The following CNR1 variants were observed in gnomAD, a reference collection of about 807,000 sequenced individuals.
CNR1 encodes cannabinoid receptor 1 (brain).
CNR1 carries 10 observed loss-of-function variants against 23.0 expected under a neutral mutation model. That is an observed-to-expected ratio of 0.43 (90% CI 0.27 to 0.74). CNR1 has a LOEUF of 0.74. Among genes scored for constraint, CNR1 ranks in the 30% least tolerant of loss-of-function variants. CNR1 has a pLI of 0.19. For synonymous variants in CNR1, 271 were observed against 255.2 expected (o/e 1.06, Z -0.59); for missense variants, 422 against 618.8 (o/e 0.68, Z 3.37).
In CNR1 at chr6:88,144,778, C is replaced by T; in HGVS notation, c.497G>A (p.Gly166Glu). 1 of 1,614,140 alleles carries T rather than the reference C, an allele frequency of 6.2e-7. No homozygotes were observed. The highest frequency in any genetic ancestry group is 8.5e-7 in the Non-Finnish European group (1 of 1,180,022). Residue 166 changes from glycine (G) to glutamate (E), a missense_variant, in exon 2 of 2, where the codon GGG (glycine) becomes GAG (glutamate). Gly to Glu is a moderately conservative substitution (Grantham distance 98, BLOSUM62 -2). This residue lies in a region of CNR1 where 211 missense variants were observed against 357.3 expected (regional missense o/e 0.59). Transcript: ENST00000369501. This position sits in a 1 kb window ranked among gnomAD's most constrained non-coding sequence, Gnocchi z 7.8. ...IGSLAVADLL[G>E]SVIFVYSFID... ...GAAGCTGTAGACAAAAATGACACTC[C>T]CCAGGAGGTCTGCCACCGCCAGGCT...
chr6:88,166,949 C>T (rs1463506493), upstream of CNR1, among the ~76,000 whole-genome samples: 4 of 151,884 alleles, frequency 2.6e-5, no homozygotes, highest in Non-Finnish European at 5.9e-5. Flanking sequence ...CTGCGCAGCC[C>T]CCGAGCCGTT....
At chr6:88,149,669 C>T (rs926203917) in intron 1 of CNR1, among the ~76,000 whole-genome samples, 10 of 152,316 alleles carry the variant, frequency 6.6e-5, no homozygotes, top group African/African-American at 2.2e-4. Context: ...TCCTCCTTCA[C>T]CTTGTCCCTT....
At position 88,156,392 on chromosome 6, in the gene CNR1, G is replaced by A. The variant is rs1444775714; in HGVS notation, c.-64+9411C>T. Among the ~76,000 whole-genome samples, 3 of 152,148 alleles carry A rather than the reference G, an allele frequency of 2.0e-5. No homozygotes were observed. The East Asian group carries it at 5.8e-4, about 29-fold the overall frequency. On this transcript the variant is annotated intron_variant, in intron 1 of 1. Coordinates refer to ENST00000369501, the MANE Select transcript of CNR1 (RefSeq NM_016083.6). The stretch of plus-strand genomic sequence containing the variant: ...ATCCATGCTTCACACCCATGTAAGG[G>A]ACATGGGTCAGGTCAAGAAAGCAAG...
chr6:88,144,030 A>G lies in CNR1; in HGVS notation c.1245T>C (p.Cys415=). 1.2e-6 allele frequency: 2 copies of G among 1,614,046 alleles called. No homozygotes were observed. The highest frequency in any genetic ancestry group is 2.2e-5 in the South Asian group (2 of 91,062). ...TATCCAGAGGCTGCGCAGTGCCTTC[A>G]CAAGAGGGAAACATGCTCCGGAAAG... The part of the protein sequence containing the change: ...RHAFRSMFPS[C]EGTAQPLDNS... The change falls in exon 2 of 2, where the codon TGT becomes TGC. Residue 415 remains cysteine (C), a synonymous_variant. Transcript: ENST00000369501. The surrounding 1 kb of genome is among the most constrained non-coding windows in gnomAD (Gnocchi z 7.8).
Position 88,142,959 on chromosome 6 carries a change from A to T in CNR1, c.*897T>A, listed in dbSNP as rs977530177. ...GATAACGATATACATTAAGATTAACACATGCTGTCTTAAGAGATCCAGTAA... is the reference window on the plus strand; with the variant it reads ...GATAACGATATACATTAAGATTAACTCATGCTGTCTTAAGAGATCCAGTAA... On this transcript the variant is annotated 3_prime_UTR_variant, in exon 2 of 2. Coordinates refer to ENST00000369501, the MANE Select transcript of CNR1 (RefSeq NM_016083.6). 6.5e-6 allele frequency: 1 copy of T among 152,820 alleles called. No homozygotes were observed. The highest frequency in any genetic ancestry group is 1.5e-5 in the Non-Finnish European group (1 of 68,048). The allele number at this position is 152,820 out of a possible 1,614,324, so 9.5% of individuals were successfully genotyped here.
At chr6:88,149,908 A>G (rs922806424) in intron 1 of CNR1, among the ~76,000 whole-genome samples, 1 of 152,132 alleles carries the variant, frequency 6.6e-6, no homozygotes, top group African/African-American at 2.4e-5. Flanking sequence ...TTTTTTTCTT[A>G]AGTGGTTTAC....
chr6:88,153,249 A>G (rs1427984457), intron 1 of CNR1, among the ~76,000 whole-genome samples: 1 of 152,204 alleles, frequency 6.6e-6, no homozygotes, highest in Non-Finnish European at 1.5e-5. Flanking sequence ...CTATGGTATC[A>G]TCAAAGGAAT....
At chr6:88,160,136 T>G (rs1459606228) in intron 1 of CNR1, among the ~76,000 whole-genome samples, 1 of 152,078 alleles carries the variant, frequency 6.6e-6, no homozygotes, top group Non-Finnish European at 1.5e-5. Context: ...AAGACCAGCG[T>G]GGCCAACATG....
intron 1 of CNR1, among the ~76,000 whole-genome samples, chr6:88,146,788 C>T (rs1777212962): frequency 6.6e-6 from 1 of 152,062 alleles, no homozygotes; most frequent in Non-Finnish European, 1.5e-5. Flanking sequence ...ACATATCACA[C>T]TGTATGGGGT....
intron 1 of CNR1, among the ~76,000 whole-genome samples, chr6:88,149,415 G>A (rs1222618218): frequency 1.3e-5 from 2 of 152,122 alleles, no homozygotes; most frequent in African/African-American, 4.8e-5. Flanking sequence ...TTTCTCAGGA[G>A]TCAACTCTTG....
Position 88,145,211 on chromosome 6 carries a change from A to G in CNR1, c.64T>C (p.Tyr22His), listed in dbSNP as rs1777108365. The change falls in exon 2 of 2, where the codon TAC (tyrosine) becomes CAC (histidine). Residue 22 changes from tyrosine (Y) to histidine (H), a missense_variant. Transcript: ENST00000369501. Reference sequence around the variant, plus strand: ...TACTGAATGTCATTTGAGCCCACGTACAGGAGGTCAGTGGTGATGGTGCGG... The same window carrying G: ...TACTGAATGTCATTTGAGCCCACGTGCAGGAGGTCAGTGGTGATGGTGCGG... ...TFRTITTDLL[Y>H]VGSNDIQYED... is the part of the protein sequence containing the mutation. 3 of 1,614,186 alleles carry G rather than the reference A, an allele frequency of 1.9e-6. No homozygotes were observed. The highest frequency in any genetic ancestry group is 2.5e-6 in the Non-Finnish European group (3 of 1,180,020).
chr6:88,150,135 T>C lies in CNR1; in HGVS notation c.-63-4798A>G, dbSNP rs184727878. 1.4e-3 allele frequency among the ~76,000 whole-genome samples: 209 copies of C among 152,360 alleles called. 1 individual carries two copies. Among genetic ancestry groups the C allele is most frequent in the Non-Finnish European group, 2.0e-3 (138 of 68,030 alleles). ...GTTTGAGCCTCCATCTCCAAGTAGC[T>C]CCTGTGAGCCATTCCAGTCATCTTC... is the stretch of plus-strand genomic sequence containing the variant. On this transcript the variant is annotated intron_variant, in intron 1 of 1. Transcript: ENST00000369501.
chr6:88,166,960 C>G (rs1462662175), upstream of CNR1, among the ~76,000 whole-genome samples: 1 of 151,906 alleles, frequency 6.6e-6, no homozygotes, highest in Non-Finnish European at 1.5e-5. Context: ...CCGAGCCGTT[C>G]GCTACCTGGC....
chr6:88,154,355 T>C (rs529728846), intron 1 of CNR1, among the ~76,000 whole-genome samples: 1 of 152,254 alleles, frequency 6.6e-6, no homozygotes, highest in South Asian at 2.1e-4. Flanking sequence ...AAGAAAATGA[T>C]GTCTTGCAAC....
rs532875937 is a variant in CNR1 at position 88,162,911 on chromosome 6, T to C, written c.-64+2892A>G. On this transcript the variant is annotated intron_variant, in intron 1 of 1. Coordinates refer to ENST00000369501, the MANE Select transcript of CNR1 (RefSeq NM_016083.6). ...TGGTTTCACTCTAACTATTTGTCAG[T>C]TCAATTAGAAAATGATAAATACAAA... The C allele has an allele frequency of 2.5e-3, 379 of 152,328 alleles. 2 individuals are homozygous for C. Among genetic ancestry groups the C allele is most frequent in the African/African-American group, 8.8e-3 (367 of 41,582 alleles). The allele number at this position is 152,328 out of a possible 1,614,324, so 9.4% of individuals were successfully genotyped here.
rs1776866139 is a variant in CNR1 at position 88,142,278 on chromosome 6, T to G, written c.*1578A>C. ...TTGTGTGTCTCATCCACTGTCTGATTCAGCTTTTTTAGCCACATGGGCTGG... is the reference window on the plus strand; with the variant it reads ...TTGTGTGTCTCATCCACTGTCTGATGCAGCTTTTTTAGCCACATGGGCTGG... On this transcript the variant is annotated 3_prime_UTR_variant, in exon 2 of 2. Transcript: ENST00000369501. 1 of 152,406 alleles carries G rather than the reference T, an allele frequency of 6.6e-6. No homozygotes were observed. Among genetic ancestry groups the G allele is most frequent in the Non-Finnish European group, 1.5e-5 (1 of 68,058 alleles). 9.4% of individuals were successfully genotyped at this position (152,406 alleles called of 1,614,324 possible).
chr6:88,157,266 G>A (rs138120184), intron 1 of CNR1, among the ~76,000 whole-genome samples: 41 of 152,046 alleles, frequency 2.7e-4, no homozygotes, highest in African/African-American at 5.6e-4. Context: ...ACTTGCGAGC[G>A]TGTTTCCAAA....
chr6:88,165,245 C>T (rs1327394841), intron 1 of CNR1, among the ~76,000 whole-genome samples: 4 of 152,162 alleles, frequency 2.6e-5, no homozygotes, highest in Non-Finnish European at 4.4e-5. Context: ...AAAAATGCAA[C>T]ATTAACTTTA....
rs2081749284 is a variant in CNR1, at chr6:88,165,886, A to T, written c.-147T>A. The T allele has an allele frequency of 6.6e-6, 1 of 152,474 alleles. No individual in the cohort carries two copies. Among genetic ancestry groups the T allele is most frequent in the Non-Finnish European group, 1.5e-5 (1 of 68,164 alleles). 9.4% of individuals were successfully genotyped at this position (152,474 alleles called of 1,614,324 possible). On this transcript the variant is annotated 5_prime_UTR_variant, in exon 1 of 2. Transcript: ENST00000369501. The stretch of plus-strand genomic sequence containing the variant: ...GGGGCTGGTTGTCCGCTAGAACGAA[A>T]TATCCCCCACTGACTACGGAGAGCT...
Sources: allele counts gnomAD v4.1 joint callset (sites outside exome capture counted in the v4.1 genomes callset), GRCh38; gene constraint gnomAD v4.1.1; regional missense constraint gnomAD v4.1.1; non-coding constraint Gnocchi (gnomAD v3.1); transcripts MANE v1.5; gene names NCBI Gene and HGNC (gene_info 2026-07-23, HGNC 2026-07-21).